Variants in SPOCK3 observed in about 807,000 individuals in gnomAD.
SPOCK3 encodes SPARC (osteonectin), cwcv and kazal like domains proteoglycan 3, also known as testican-3.
In SPOCK3, 30 loss-of-function variants were observed where a neutral mutation model predicts 56.6. The ratio of observed to expected loss-of-function variants is 0.53; its 90% confidence interval spans 0.40 to 0.72. The LOEUF (loss-of-function observed/expected upper bound fraction) is 0.72, where lower values mean the gene tolerates loss of function less well. SPOCK3 is among the 30% of genes least tolerant of loss of function. The probability of loss-of-function intolerance (pLI) is 0.00; values close to 1 mark genes in which losing one functional copy is unlikely to be tolerated. For missense variants in SPOCK3, 527 were observed against 530.0 expected (o/e 0.99, Z 0.06); for synonymous variants, 196 against 183.3 (o/e 1.07, Z -0.56).
intron 4 of SPOCK3, among the ~76,000 whole-genome samples, chr4:166,954,496 G>A (rs139216210): frequency 0.014 from 2,118 of 152,130 alleles, 26 homozygotes; most frequent in Non-Finnish European, 0.022. Flanking sequence ...TGAGAGATGA[G>A]CATCTAATTT....
chr4:167,234,189 C>T lies in SPOCK3; in HGVS notation c.1-16G>A. ...CCTTGAGCATCTGGGAGAGGAGACA[C>T]AACGGGGGGTGGGGGGGCATGTCAG... is the stretch of plus-strand genomic sequence containing the variant. On this transcript the variant is annotated splice_polypyrimidine_tract_variant and intron_variant, in intron 1 of 10. Transcript: ENST00000357545. 1.2e-6 allele frequency: 2 copies of T among 1,608,150 alleles called. No homozygotes were observed. Among genetic ancestry groups the T allele is most frequent in the Non-Finnish European group, 1.7e-6 (2 of 1,175,736 alleles).
At chr4:166,919,828 TA>T (rs1457254244) in intron 4 of SPOCK3, among the ~76,000 whole-genome samples, 1 of 152,172 alleles carries the variant, frequency 6.6e-6, no homozygotes, top group Non-Finnish European at 1.5e-5. Context: ...AAGCTATGTA[TA>T]GTTATCATCA....
rs36052270 is a variant in SPOCK3, at chr4:166,797,659, A to AT, written c.590-5371dup. Among the ~76,000 whole-genome samples, 165 of 151,762 alleles carry AT rather than the reference A, an allele frequency of 1.1e-3. 1 individual carries two copies. The highest frequency in any genetic ancestry group is 3.9e-3 in the African/African-American group (160 of 41,426). ...TTTTTTATAACAGTATTAAAAACTTATTTTTTTTCTGAGTACACAGTAAGA... is the reference window on the plus strand; with the variant it reads ...TTTTTTATAACAGTATTAAAAACTTATTTTTTTTTCTGAGTACACAGTAAGA... On this transcript the variant is annotated intron_variant, in intron 6 of 10. Transcript: ENST00000357545.
chr4:167,043,532 T>C (rs1365071665), intron 3 of SPOCK3, among the ~76,000 whole-genome samples: 4 of 152,032 alleles, frequency 2.6e-5, no homozygotes, highest in African/African-American at 9.7e-5. Context: ...TTCCTGAAGC[T>C]TAGAGTTTCT....
In SPOCK3 at chr4:166,794,922, C is replaced by T. The variant is rs144365782; in HGVS notation, c.590-2633G>A. ...CCTCCCAAAGTGCTGGAATTAAAGG[C>T]GTGAGTCACCGCGCCGGCCCGTTTC... On this transcript the variant is annotated intron_variant, in intron 6 of 10. Transcript: ENST00000357545. Among the ~76,000 whole-genome samples the T allele has an allele frequency of 4.0e-3, 612 of 152,188 alleles. 3 individuals carry two copies. Among genetic ancestry groups the T allele is most frequent in the East Asian group, 0.014 (73 of 5,158 alleles).
At chr4:166,737,320 G>A in intron 10 of SPOCK3, 147 bp downstream of exon 10, 1 of 778,234 alleles carries the variant, frequency 1.3e-6, no homozygotes, top group Non-Finnish European at 1.9e-6. Context: ...CTAGGAGTAA[G>A]TTTTTTTTGT....
At chr4:167,173,789 G>T (rs1406810217) in intron 2 of SPOCK3, among the ~76,000 whole-genome samples, 1 of 152,130 alleles carries the variant, frequency 6.6e-6, no homozygotes, top group African/African-American at 2.4e-5. Context: ...AGGATGACTA[G>T]CAAGACTAGG....
intron 2 of SPOCK3, among the ~76,000 whole-genome samples, chr4:167,210,257 T>C (rs1734745964): frequency 6.6e-6 from 1 of 151,850 alleles, no homozygotes; most frequent in African/African-American, 2.4e-5. Flanking sequence ...CTTCCACCTG[T>C]TCAAAGAACA....
intron 6 of SPOCK3, among the ~76,000 whole-genome samples, chr4:166,805,232 G>A (rs1579280444): frequency 6.6e-6 from 1 of 151,924 alleles, no homozygotes; most frequent in Non-Finnish European, 1.5e-5. Flanking sequence ...AAAATTATTG[G>A]ATGGATGGCT....
chr4:166,784,349 TA>T (rs1740515955), intron 7 of SPOCK3, among the ~76,000 whole-genome samples: 1 of 152,142 alleles, frequency 6.6e-6, no homozygotes, highest in African/African-American at 2.4e-5. Flanking sequence ...GTGATTACGT[TA>T]ATTTAGCTAT....
At position 166,737,582 on chromosome 4, in the gene SPOCK3, A is replaced by G. The variant is rs376356176; in HGVS notation, c.1017T>C (p.Asp339=). 1.7e-5 allele frequency: 28 copies of G among 1,612,776 alleles called. No individual in the cohort carries two copies. The highest frequency in any genetic ancestry group is 2.4e-5 in the Non-Finnish European group (28 of 1,179,392). The change falls in exon 10 of 11, where the codon GAT becomes GAC. Residue 339 remains aspartate (D), a synonymous_variant. Transcript: ENST00000357545. ...KLLGQYIPLC[D]EDGYYKPTQC... ...GTGTTGGCTTGTAGTAACCATCTTC[A>G]TCACACAGGGGGATATACTGTCCTG...
intron 4 of SPOCK3, among the ~76,000 whole-genome samples, chr4:166,953,927 G>A (rs1201022024): frequency 6.6e-6 from 1 of 152,098 alleles, no homozygotes; most frequent in Non-Finnish European, 1.5e-5. Context: ...ACACTCTGGG[G>A]ACTGTTGTGG....
rs1450926470 is a variant in SPOCK3, at chr4:166,733,924, TTCTATC to T, written c.*991_*996del. ...TATATTGGTATGCATGCTAAAATCT[TTCTATC>T]TCTATTTTTGCAAGGCACCATACAA... On this transcript the variant is annotated 3_prime_UTR_variant, in exon 11 of 11. Coordinates refer to ENST00000357545, the MANE Select transcript of SPOCK3 (RefSeq NM_001040159.2). 1 of 152,276 alleles carries T rather than the reference TTCTATC, an allele frequency of 6.6e-6. No homozygotes were observed. Among genetic ancestry groups the T allele is most frequent in the Non-Finnish European group, 1.5e-5 (1 of 67,778 alleles). 9.4% of individuals were successfully genotyped at this position (152,276 alleles called of 1,614,324 possible).
At chr4:167,157,532 C>T (rs544014316) in intron 2 of SPOCK3, among the ~76,000 whole-genome samples, 2 of 151,156 alleles carry the variant, frequency 1.3e-5, no homozygotes, top group Admixed American at 6.6e-5. Flanking sequence ...GAGTTTCTGA[C>T]ATTAAAAACA....
intron 8 of SPOCK3, among the ~76,000 whole-genome samples, chr4:166,747,617 G>C (rs1735815620): frequency 6.6e-6 from 1 of 152,120 alleles, no homozygotes; most frequent in Non-Finnish European, 1.5e-5. Flanking sequence ...TCAATATATT[G>C]TTGGAAGTGC....
chr4:166,933,331 A>G (rs1176998572), intron 4 of SPOCK3, among the ~76,000 whole-genome samples: 1 of 152,168 alleles, frequency 6.6e-6, no homozygotes, highest in East Asian at 1.9e-4. Flanking sequence ...GAAGGCCTTC[A>G]CCTTACTTGG....
chr4:166,851,582 A>G (rs1011666267), intron 6 of SPOCK3, among the ~76,000 whole-genome samples: 30 of 152,362 alleles, frequency 2.0e-4, no homozygotes, highest in African/African-American at 7.2e-4. Flanking sequence ...AAAATTTAGA[A>G]GAATGTATAA....
intron 2 of SPOCK3, among the ~76,000 whole-genome samples, chr4:167,078,237 A>G (rs983729790): frequency 4.0e-5 from 6 of 151,296 alleles, no homozygotes; most frequent in Non-Finnish European, 7.4e-5. Context: ...GAAACTCTGT[A>G]TTATCAGGTC....
chr4:167,125,054 A>G (rs149052381), intron 2 of SPOCK3, among the ~76,000 whole-genome samples: 25 of 152,186 alleles, frequency 1.6e-4, no homozygotes, highest in Non-Finnish European at 3.2e-4. Context: ...TTTACTTATC[A>G]CTTAAAATTT....
Sources: allele counts gnomAD v4.1 joint callset (sites outside exome capture counted in the v4.1 genomes callset), GRCh38; gene constraint gnomAD v4.1.1; transcripts MANE v1.5; gene names NCBI Gene and HGNC (gene_info 2026-07-23, HGNC 2026-07-21).